The following SUGCT variants were observed in gnomAD, a reference collection of about 807,000 sequenced individuals.
SUGCT encodes the protein succinyl-CoA:glutarate-CoA transferase.
In SUGCT, 41 loss-of-function variants were observed where a neutral mutation model predicts 55.0. That is an observed-to-expected ratio of 0.74 (90% CI 0.58 to 0.97). The LOEUF is 0.97. Ranked by LOEUF, SUGCT falls within the 50% of genes least tolerant of loss-of-function variation. SUGCT has a pLI of 0.00. For synonymous variants in SUGCT, 187 were observed against 200.4 expected (o/e 0.93, Z 0.56); for missense variants, 568 against 547.8 (o/e 1.04, Z -0.37).
intron 9 of SUGCT, among the ~76,000 whole-genome samples, chr7:40,409,427 A>T (rs770799146): frequency 6.6e-6 from 1 of 151,448 alleles, no homozygotes; most frequent in Non-Finnish European, 1.5e-5. Context: ...ACTTGGCTAA[A>T]TTTTTTATTT....
chr7:40,594,336 G>C (rs1457587245), intron 12 of SUGCT, among the ~76,000 whole-genome samples: 1 of 145,214 alleles, frequency 6.9e-6, no homozygotes, highest in African/African-American at 2.6e-5. Context: ...AAAAAAAAAA[G>C]TAAAAAAAAA....
intron 7 of SUGCT, among the ~76,000 whole-genome samples, chr7:40,267,479 A>G (rs1196665955): frequency 1.3e-5 from 2 of 152,244 alleles, no homozygotes; most frequent in East Asian, 3.8e-4. Flanking sequence ...ATATTGCTTA[A>G]CAAGGTTTGT....
At chr7:40,559,938 C>G (rs1330480997) in intron 12 of SUGCT, among the ~76,000 whole-genome samples, 2 of 152,156 alleles carry the variant, frequency 1.3e-5, no homozygotes, top group Admixed American at 6.5e-5. Flanking sequence ...TAAACTAATG[C>G]AAAAGTTTTG....
At chr7:40,848,770 T>C (rs1404894424) in intron 13 of SUGCT, among the ~76,000 whole-genome samples, 2 of 152,190 alleles carry the variant, frequency 1.3e-5, no homozygotes, top group Non-Finnish European at 2.9e-5. Flanking sequence ...TGCCATGGAT[T>C]GAGTTCTTCT....
At chr7:40,386,014 C>G (rs1785106066) in intron 9 of SUGCT, among the ~76,000 whole-genome samples, 2 of 152,288 alleles carry the variant, frequency 1.3e-5, no homozygotes, top group South Asian at 4.1e-4. Flanking sequence ...GTAATTACTA[C>G]TGCCATTTTT....
Position 40,181,973 on chromosome 7 carries a change from T to G in SUGCT, c.171T>G (p.Phe57Leu). ...ATTGTAGAGTCCTGGCGGGACCTTT[T>G]GCTACTATGAATTTAGGAGATCTTG... ...LDLTRVLAGP[F>L]ATMNLGDLGA... The change falls in exon 3 of 14, where the codon TTT becomes TTG. Residue 57 changes from phenylalanine (F) to leucine (L), a missense_variant. By Grantham distance (22) the Phe-to-Leu change is conservative. Coordinates refer to ENST00000335693, the MANE Select transcript of SUGCT (RefSeq NM_001193313.2). The G allele has an allele frequency of 6.3e-7, 1 of 1,598,336 alleles. No individual in the cohort carries two copies. Among genetic ancestry groups the G allele is most frequent in the Non-Finnish European group, 8.5e-7 (1 of 1,170,086 alleles).
At chr7:40,901,267 A>C in the SUGCT span, among the ~76,000 whole-genome samples, 1 of 152,218 alleles carries the variant, frequency 6.6e-6, no homozygotes, top group Non-Finnish European at 1.5e-5. Context: ...CCAGGCTAGC[A>C]GCGAAGAAAA....
At chr7:40,550,867 C>T (rs1795259812) in intron 12 of SUGCT, among the ~76,000 whole-genome samples, 1 of 152,120 alleles carries the variant, frequency 6.6e-6, no homozygotes. Context: ...CTTCAGGATC[C>T]ATTTACTATA....
chr7:40,321,404 A>T (rs1399285557), intron 9 of SUGCT, among the ~76,000 whole-genome samples: 2 of 141,630 alleles, frequency 1.4e-5, no homozygotes, highest in Non-Finnish European at 3.0e-5. Flanking sequence ...TTTTATTTTG[A>T]CAGAGTCTTG....
chr7:40,487,261 T>G (rs1406195012), intron 11 of SUGCT, among the ~76,000 whole-genome samples: 3 of 135,646 alleles, frequency 2.2e-5, no homozygotes, highest in Non-Finnish European at 3.1e-5. Context: ...TTTTTTTTTT[T>G]TTTTTTTTTT....
At chr7:40,172,468 G>C (rs116456399) in intron 1 of SUGCT, among the ~76,000 whole-genome samples, 5,929 of 152,208 alleles carry the variant, frequency 0.039, 373 homozygotes, top group African/African-American at 0.13. Context: ...GGAGATACAA[G>C]CTTCTCTAAT....
At chr7:40,859,555 G>A (rs1274280059) in intron 13 of SUGCT, among the ~76,000 whole-genome samples, 3 of 152,220 alleles carry the variant, frequency 2.0e-5, no homozygotes, top group Admixed American at 1.3e-4. Context: ...AGATGTTGTG[G>A]CAGCTTTTGT....
At chr7:40,975,055 A>G in the SUGCT span, among the ~76,000 whole-genome samples, 1 of 152,236 alleles carries the variant, frequency 6.6e-6, no homozygotes, top group African/African-American at 2.4e-5. Context: ...GAGTGAACAA[A>G]TGTTAATGAA....
At chr7:40,488,473 T>A (rs553237952) in intron 11 of SUGCT, among the ~76,000 whole-genome samples, 34 of 152,300 alleles carry the variant, frequency 2.2e-4, no homozygotes, top group Admixed American at 2.0e-3. Context: ...AATAGTTTTA[T>A]CTTTTAACCT....
chr7:40,982,945 G>A, the SUGCT span, among the ~76,000 whole-genome samples: 1 of 152,172 alleles, frequency 6.6e-6, no homozygotes, highest in African/African-American at 2.4e-5. Flanking sequence ...TGCCATGTCT[G>A]GCCTAGTAGC....
chr7:40,692,489 G>A (rs781685282), intron 12 of SUGCT, among the ~76,000 whole-genome samples: 5 of 152,188 alleles, frequency 3.3e-5, no homozygotes, highest in Non-Finnish European at 7.3e-5. Context: ...TACAGCCAGT[G>A]AAGATGCAAA....
chr7:40,695,428 G>T (rs1296659908), intron 12 of SUGCT, among the ~76,000 whole-genome samples: 1 of 151,894 alleles, frequency 6.6e-6, no homozygotes, highest in Non-Finnish European at 1.5e-5. Flanking sequence ...GAGCTCATGG[G>T]CTCAAGTGAT....
chr7:40,211,819 C>T (rs1028250934), intron 6 of SUGCT, among the ~76,000 whole-genome samples: 6 of 152,088 alleles, frequency 3.9e-5, no homozygotes, highest in African/African-American at 7.2e-5. Flanking sequence ...CTTTGCAGTT[C>T]CCAAATTTAC....
Position 40,449,180 on chromosome 7 carries a change from A to G in SUGCT, c.817-107A>G, listed in dbSNP as rs566732436. 3 of 689,526 alleles carry G rather than the reference A, an allele frequency of 4.4e-6. No homozygotes were observed. In the South Asian group the frequency reaches 5.8e-5, roughly 13 times the overall value. 42.7% of individuals were successfully genotyped at this position (689,526 alleles called of 1,614,324 possible). On this transcript the variant is annotated intron_variant, in intron 9 of 13. Coordinates refer to ENST00000335693, the MANE Select transcript of SUGCT (RefSeq NM_001193313.2). ...ATACAAATTAATCGATATTGAATTA[A>G]TAACATTGCTTTAGAACAAGCTTTC... is the stretch of plus-strand genomic sequence containing the variant.
Sources: gnomAD v4.1 joint callset for allele counts (sites outside exome capture counted in the v4.1 genomes callset) on GRCh38, gnomAD v4.1.1 for gene constraint, MANE v1.5 for transcripts, NCBI Gene and HGNC (gene_info 2026-07-23, HGNC 2026-07-21) for gene names.